The following MSI2 variants were observed in gnomAD, a reference collection of about 807,000 sequenced individuals.
The protein encoded by MSI2 is RNA-binding protein Musashi homolog 2.
A neutral mutation model predicts 45.6 loss-of-function variants in MSI2; 17 were observed. The observed-to-expected ratio is 0.37, with a 90% CI of 0.26 to 0.56. The LOEUF is 0.56. Among genes scored for constraint, MSI2 ranks in the 20% least tolerant of loss-of-function variants. The probability of loss-of-function intolerance (pLI) is 0.77; values close to 1 mark genes in which losing one functional copy is unlikely to be tolerated. For missense variants in MSI2, 293 were observed against 444.2 expected (o/e 0.66, Z 3.06); for synonymous variants, 156 against 158.2 (o/e 0.99, Z 0.11).
intron 5 of MSI2, among the ~76,000 whole-genome samples, chr17:57,398,052 A>G (rs911641973): frequency 3.9e-5 from 6 of 152,034 alleles, no homozygotes; most frequent in Non-Finnish European, 7.4e-5. Context: ...TTATAGCTGA[A>G]TGGCTGCCTC....
chr17:57,628,515 T>C (rs537193771), intron 10 of MSI2: 4 of 152,274 alleles, frequency 2.6e-5, no homozygotes, highest in Non-Finnish European at 5.9e-5. Context: ...TCTTGTCCTG[T>C]CTCCGATACC....
In MSI2 at chr17:57,262,182, C is replaced by A; in HGVS notation, c.302C>A (p.Ala101Glu). 6.2e-7 allele frequency: 1 copy of A among 1,614,006 alleles called. No individual in the cohort carries two copies. The highest frequency in any genetic ancestry group is 8.5e-7 in the Non-Finnish European group (1 of 1,179,950). ...IDPKVAFPRR[A>E]QPKMVTRTKK... ...CCCAAAGTTGCATTTCCTCGTCGAG[C>A]GCAACCCAAGGTAAGTAGGAGAATA... The change falls in exon 5 of 14, where the codon GCG (alanine) becomes GAG (glutamate). Residue 101 changes from alanine (A) to glutamate (E), a missense_variant. By Grantham distance (107) the Ala-to-Glu change is moderately radical. Coordinates refer to ENST00000284073, the MANE Select transcript of MSI2 (RefSeq NM_138962.4).
chr17:57,674,766 G>A (rs920788198), intron 11 of MSI2, among the ~76,000 whole-genome samples: 5 of 152,200 alleles, frequency 3.3e-5, no homozygotes, highest in African/African-American at 7.2e-5. Context: ...AGCCTGGGCT[G>A]AGTATTCTTG....
At position 57,540,091 on chromosome 17, in the gene MSI2, G is replaced by A. The variant is rs911201125; in HGVS notation, c.454+10367G>A. On this transcript the variant is annotated intron_variant, in intron 7 of 13. Transcript: ENST00000284073. ...CCAGAGCAACCACTAATCAATTGCT[G>A]TGTGACCCTGGACAAGTTACTAAAT... 1.5e-3 allele frequency among the ~76,000 whole-genome samples: 221 copies of A among 152,316 alleles called. 2 individuals are homozygous for A. The highest frequency in any genetic ancestry group is 6.8e-3 in the Middle Eastern group (2 of 294).
At position 57,627,475 on chromosome 17, in the gene MSI2, G is replaced by C. The variant is rs1032993202; in HGVS notation, c.727+172G>C. 2 of 644,926 alleles carry C rather than the reference G, an allele frequency of 3.1e-6. No homozygotes were observed. Among genetic ancestry groups the C allele is most frequent in the African/African-American group, 3.6e-5 (2 of 54,812 alleles). 40.0% of individuals were successfully genotyped at this position (644,926 alleles called of 1,614,324 possible). Reference sequence around the variant, plus strand: ...GTTCAAGGCCAGGATGCAGCTCAGAGTTTTTGATTAACTCAGGTATAACTC... The same window carrying C: ...GTTCAAGGCCAGGATGCAGCTCAGACTTTTTGATTAACTCAGGTATAACTC... On this transcript the variant is annotated intron_variant, in intron 10 of 13. Coordinates refer to ENST00000284073, the MANE Select transcript of MSI2 (RefSeq NM_138962.4). This position sits in a 1 kb window ranked among gnomAD's most constrained non-coding sequence, Gnocchi z 4.6.
At chr17:57,632,063 T>C (rs891596673) in intron 10 of MSI2, 85 of 1,330,134 alleles carry the variant, frequency 6.4e-5, no homozygotes, top group Non-Finnish European at 1.5e-5. Flanking sequence ...GCTTCTTGTA[T>C]GCATTGTGAC....
chr17:57,534,320 C>T (rs1374763077), intron 7 of MSI2, among the ~76,000 whole-genome samples: 3 of 152,210 alleles, frequency 2.0e-5, no homozygotes, highest in Admixed American at 6.5e-5. Flanking sequence ...GCTGGATGAC[C>T]GTGCTCCTCC....
intron 5 of MSI2, among the ~76,000 whole-genome samples, chr17:57,283,627 C>A (rs1447269241): frequency 6.6e-6 from 1 of 152,160 alleles, no homozygotes; most frequent in Non-Finnish European, 1.5e-5. Flanking sequence ...GAAATGATAA[C>A]ACACAACAAA....
chr17:57,276,881 C>T (rs757571811), intron 5 of MSI2, among the ~76,000 whole-genome samples: 3 of 151,960 alleles, frequency 2.0e-5, no homozygotes, highest in Non-Finnish European at 4.4e-5. Context: ...CCAGGGCTGA[C>T]TCGGTCTCCT....
At chr17:57,257,326 C>T in intron 2 of MSI2, 140 bp from the exon 3 acceptor site, 1 of 599,456 alleles carries the variant, frequency 1.7e-6, no homozygotes, top group Non-Finnish European at 2.8e-6. Flanking sequence ...GAATTTCCCC[C>T]GCGTGTGCAA....
intron 6 of MSI2, among the ~76,000 whole-genome samples, chr17:57,437,473 G>A (rs1402061169): frequency 1.3e-5 from 2 of 152,220 alleles, no homozygotes; most frequent in Non-Finnish European, 2.9e-5. Context: ...GTTGGCAATA[G>A]GATGGATTGG....
chr17:57,464,995 A>T (rs2085303897), intron 6 of MSI2, among the ~76,000 whole-genome samples: 1 of 152,114 alleles, frequency 6.6e-6, no homozygotes, highest in African/African-American at 2.4e-5. Flanking sequence ...CTCATCTTAT[A>T]CCTGCCCTGG....
chr17:57,675,966 C>T (rs1050456307), intron 12 of MSI2, among the ~76,000 whole-genome samples: 2 of 152,172 alleles, frequency 1.3e-5, no homozygotes, highest in African/African-American at 4.8e-5. Flanking sequence ...CTGTCCCTTC[C>T]ATTTTGGAAA....
intron 11 of MSI2, among the ~76,000 whole-genome samples, chr17:57,663,042 T>A (rs1912104103): frequency 6.6e-6 from 1 of 152,114 alleles, no homozygotes; most frequent in Non-Finnish European, 1.5e-5. Context: ...TCTGTAGGGA[T>A]GAGTCAACAT....
At chr17:57,583,488 C>CTTTCTTTTTT (rs1365477936) in intron 7 of MSI2, among the ~76,000 whole-genome samples, 1 of 98,044 alleles carries the variant, frequency 1.0e-5, no homozygotes, top group African/African-American at 3.9e-5. Flanking sequence ...CCCAATGTTT[C>CTTTCTTTTTT]TTTTTTTTTT....
chr17:57,534,686 G>T (rs1317686069), intron 7 of MSI2, among the ~76,000 whole-genome samples: 1 of 152,214 alleles, frequency 6.6e-6, no homozygotes, highest in Non-Finnish European at 1.5e-5. Context: ...TTGCACTCCA[G>T]CCTGGGCAAC....
At chr17:57,446,720 C>G (rs1356265098) in intron 6 of MSI2, among the ~76,000 whole-genome samples, 1 of 152,170 alleles carries the variant, frequency 6.6e-6, no homozygotes, top group Non-Finnish European at 1.5e-5. Flanking sequence ...ATGGCTCCAT[C>G]TGGGAATAAA....
At chr17:57,492,198 T>A (rs1211478636) in intron 6 of MSI2, among the ~76,000 whole-genome samples, 1 of 152,226 alleles carries the variant, frequency 6.6e-6, no homozygotes, top group Non-Finnish European at 1.5e-5. Flanking sequence ...TGTCAGGGGC[T>A]CAGTAATCGC....
At chr17:57,616,156 A>C in intron 9 of MSI2, 72 bp downstream of exon 9, 1 of 1,168,514 alleles carries the variant, frequency 8.6e-7, no homozygotes, top group South Asian at 1.3e-5. Context: ...CAACTGGGTC[A>C]CCTACCAGTG....
Sources: gnomAD v4.1 joint callset for allele counts (sites outside exome capture counted in the v4.1 genomes callset) on GRCh38, gnomAD v4.1.1 for gene constraint, Gnocchi (gnomAD v3.1) non-coding constraint, MANE v1.5 for transcripts, NCBI Gene and HGNC (gene_info 2026-07-23, HGNC 2026-07-21) for gene names.